The following PLEKHG5 variants were observed in gnomAD, a reference collection of about 807,000 sequenced individuals.
The protein encoded by PLEKHG5 is pleckstrin homology and RhoGEF domain containing G5, also known as pleckstrin homology domain-containing family G member 5.
A neutral mutation model predicts 103.8 loss-of-function variants in PLEKHG5; 52 were observed. That is an observed-to-expected ratio of 0.50 (90% CI 0.40 to 0.63). The LOEUF (loss-of-function observed/expected upper bound fraction) is 0.63. Ranked by LOEUF, PLEKHG5 falls within the 30% of genes least tolerant of loss-of-function variation. The pLI is 0.00. For missense variants in PLEKHG5, 1,205 were observed against 1,347.6 expected (o/e 0.89, Z 1.66); for synonymous variants, 592 against 575.5 (o/e 1.03, Z -0.41).
rs543950338 is a variant in PLEKHG5, at chr1:6,474,188, T to A, written c.440-24A>T. ...GGCTGCATGTGGGGGCCACGAGAGATCCTCAGTACCCTGGTCTGGTGGAGG... is the reference window on the plus strand; with the variant it reads ...GGCTGCATGTGGGGGCCACGAGAGAACCTCAGTACCCTGGTCTGGTGGAGG... On this transcript the variant is annotated intron_variant, in intron 6 of 20. Coordinates refer to ENST00000377728, the MANE Select transcript of PLEKHG5 (RefSeq NM_020631.6). 1.2e-5 allele frequency: 19 copies of A among 1,612,556 alleles called. No individual in the cohort carries two copies. The Admixed American group carries it at 2.3e-4, about 20-fold the overall frequency.
rs920416363 is a variant in PLEKHG5 at position 6,490,898 on chromosome 1, G to T, written c.-88+739C>A. On this transcript the variant is annotated intron_variant, in intron 1 of 20. Coordinates refer to ENST00000377728, the MANE Select transcript of PLEKHG5 (RefSeq NM_020631.6). This position sits in a 1 kb window ranked among gnomAD's most constrained non-coding sequence, Gnocchi z 8.0. ...TCGCCCATCCCGGAAGGGGGCTAGG[G>T]GGGACCAGGGCCCGCGACAGGAAGC... Among the ~76,000 whole-genome samples, 1 of 152,148 alleles carries T rather than the reference G, an allele frequency of 6.6e-6. No individual in the cohort carries two copies. The highest frequency in any genetic ancestry group is 2.4e-5 in the African/African-American group (1 of 41,430).
At position 6,467,162 on chromosome 1, in the gene PLEKHG5, A is replaced by G. The variant is rs948276190; in HGVS notation, c.*401T>C. The G allele has an allele frequency of 2.4e-5, 9 of 373,480 alleles. No individual in the cohort carries two copies. The highest frequency in any genetic ancestry group is 4.1e-5 in the Non-Finnish European group (8 of 197,450). The allele number at this position is 373,480 out of a possible 1,614,324, so 23.1% of individuals were successfully genotyped here. A position where few individuals can be genotyped will look rare whatever the true frequency, so the allele number is the denominator to read the frequency against. ...TCTTTATAAAAGAACCAAAAGCTCAATAAATACGTAACTTCACAGAACCCA... is the reference window on the plus strand; with the variant it reads ...TCTTTATAAAAGAACCAAAAGCTCAGTAAATACGTAACTTCACAGAACCCA... On this transcript the variant is annotated 3_prime_UTR_variant, in exon 21 of 21. Coordinates refer to ENST00000377728, the MANE Select transcript of PLEKHG5 (RefSeq NM_020631.6).
At position 6,490,201 on chromosome 1, in the gene PLEKHG5, T is replaced by C. The variant is rs1027206113; in HGVS notation, c.-88+1436A>G. Among the ~76,000 whole-genome samples, 23 of 152,032 alleles carry C rather than the reference T, an allele frequency of 1.5e-4. No homozygotes were observed. Among genetic ancestry groups the C allele is most frequent in the Admixed American group, 2.6e-4 (4 of 15,276 alleles). On this transcript the variant is annotated intron_variant, in intron 1 of 20. Coordinates refer to ENST00000377728, the MANE Select transcript of PLEKHG5 (RefSeq NM_020631.6). The surrounding 1 kb of genome is among the most constrained non-coding windows in gnomAD (Gnocchi z 8.0). ...CCCCCATACCGGGGCCAGGGTCCCA[T>C]AGACTCCTCACGGCCCTATCTCCGA...
upstream of PLEKHG5, chr1:6,520,030 CAG>C (rs997957158): frequency 1.9e-5 from 4 of 209,644 alleles, no homozygotes; most frequent in African/African-American, 9.3e-5. Flanking sequence ...CCCTGCCAGG[CAG>C]AGAGGGGCTG....
At chr1:6,510,760 G>A (rs7538401) in intron 1 of PLEKHG5, among the ~76,000 whole-genome samples, 2 of 152,100 alleles carry the variant, frequency 1.3e-5, no homozygotes, top group Non-Finnish European at 2.9e-5. Context: ...TGAACAGGGC[G>A]TGGTGCGGGC....
rs899754228 is a variant in PLEKHG5, at chr1:6,470,161, C to T, written c.1800+75G>A. 5.8e-6 allele frequency: 9 copies of T among 1,541,770 alleles called. No homozygotes were observed. The African/African-American group carries it at 1.1e-4, about 19-fold the overall frequency. ...AGTAACCACCGAAGGGACTGCAGAG[C>T]TGAGAACCAGTGACTGGGGCCCAGG... is the stretch of plus-strand genomic sequence containing the variant. On this transcript the variant is annotated intron_variant, in intron 16 of 20. Coordinates refer to ENST00000377728, the MANE Select transcript of PLEKHG5 (RefSeq NM_020631.6).
At chr1:6,485,238 C>T (rs1024006610) in intron 1 of PLEKHG5, 2 of 910,380 alleles carry the variant, frequency 2.2e-6, no homozygotes, top group East Asian at 6.7e-5. Context: ...ACGGGCACCC[C>T]CTCCCTGGCC....
Position 6,491,092 on chromosome 1 carries a change from T to A in PLEKHG5, c.-88+545A>T. ...ACAGCCCGCTTTTCTCTGGGCCCCC[T>A]CTTTTTTTTTTTTCTGGCCCAGGTG... On this transcript the variant is annotated intron_variant, in intron 1 of 20. Transcript: ENST00000377728. The surrounding 1 kb of genome is among the most constrained non-coding windows in gnomAD (Gnocchi z 4.1). Among the ~76,000 whole-genome samples, 1 of 149,724 alleles carries A rather than the reference T, an allele frequency of 6.7e-6. No homozygotes were observed. Among genetic ancestry groups the A allele is most frequent in the East Asian group, 1.9e-4 (1 of 5,136 alleles).
chr1:6,488,098 A>C (rs1645074195), intron 1 of PLEKHG5, among the ~76,000 whole-genome samples: 1 of 152,128 alleles, frequency 6.6e-6, no homozygotes, highest in Non-Finnish European at 1.5e-5. Flanking sequence ...TCCTACTTCA[A>C]ATCGGGTGGT....
intron 1 of PLEKHG5, among the ~76,000 whole-genome samples, chr1:6,489,771 C>G (rs1477953716): frequency 1.3e-5 from 2 of 152,216 alleles, no homozygotes; most frequent in Non-Finnish European, 2.9e-5. Context: ...CCACCTGTGC[C>G]AAGAGGGCAT....
chr1:6,487,841 C>T lies in PLEKHG5; in HGVS notation c.-88+3796G>A, dbSNP rs1420857191. ...CAGCGCCTTGGCCGTCTGCATCTCA[C>T]TGTGTCCTCGGCACTTAGAACAGTC... is the stretch of plus-strand genomic sequence containing the variant. On this transcript the variant is annotated intron_variant, in intron 1 of 20. Transcript: ENST00000377728. This position sits in a 1 kb window ranked among gnomAD's most constrained non-coding sequence, Gnocchi z 4.1. 1.3e-5 allele frequency among the ~76,000 whole-genome samples: 2 copies of T among 152,254 alleles called. No individual in the cohort carries two copies. The highest frequency in any genetic ancestry group is 2.9e-5 in the Non-Finnish European group (2 of 68,052).
chr1:6,480,269 C>T (rs1371530484), intron 1 of PLEKHG5, among the ~76,000 whole-genome samples: 1 of 152,032 alleles, frequency 6.6e-6, no homozygotes, highest in Non-Finnish European at 1.5e-5. Flanking sequence ...TGGCTCATGC[C>T]TGTAATCCTA....
exon 1 of PLEKHG5, chr1:6,519,676 G>A (rs1638720535): frequency 1.5e-6 from 1 of 677,402 alleles, no homozygotes; most frequent in Admixed American, 2.2e-5. Context: ...TTCTGCAGCT[G>A]GACCTGTCTG....
chr1:6,474,686 G>A, intron 5 of PLEKHG5, 99 bp from the exon 6 acceptor site: 2 of 959,898 alleles, frequency 2.1e-6, no homozygotes, highest in Non-Finnish European at 2.8e-6. Context: ...CACAGCCCCA[G>A]CTGCCCCCAC....
intron 1 of PLEKHG5, among the ~76,000 whole-genome samples, chr1:6,507,629 G>A (rs926728584): frequency 1.3e-5 from 2 of 152,220 alleles, no homozygotes; most frequent in African/African-American, 2.4e-5. Context: ...GGGGGGCGGG[G>A]GGATGGAGGG....
chr1:6,473,389 C>T lies in PLEKHG5; in HGVS notation c.657G>A (p.Glu219=), dbSNP rs545227621. Residue 219 remains glutamate, a synonymous_variant, in exon 8 of 21, where the codon GAG becomes GAA. Transcript: ENST00000377728. Reference sequence around the variant, plus strand: ...GAGAGCAGCTGGAGGGCGTGGGGGGCTCCTGCCCGGGGATGCTCGCCTCCC... The same window carrying T: ...GAGAGCAGCTGGAGGGCGTGGGGGGTTCCTGCCCGGGGATGCTCGCCTCCC... ...FLGEASIPGQ[E]PPTPSSCSLP... The T allele has an allele frequency of 5.2e-6, 8 of 1,546,632 alleles. No individual in the cohort carries two copies. In the South Asian group the frequency reaches 9.5e-5, roughly 18 times the overall value.
At chr1:6,492,893 C>T (rs973421728), upstream of PLEKHG5, among the ~76,000 whole-genome samples, 1 of 151,932 alleles carries the variant, frequency 6.6e-6, no homozygotes, top group African/African-American at 2.4e-5. Flanking sequence ...GTGCAGCCTG[C>T]CTCCCCCTCC....
chr1:6,507,139 C>G (rs1007971427), intron 1 of PLEKHG5, among the ~76,000 whole-genome samples: 3 of 152,182 alleles, frequency 2.0e-5, no homozygotes, highest in African/African-American at 4.8e-5. Flanking sequence ...AATAGCAACT[C>G]AAAGCCTATG....
chr1:6,492,822 T>C (rs1339529717), upstream of PLEKHG5, among the ~76,000 whole-genome samples: 10 of 151,956 alleles, frequency 6.6e-5, no homozygotes, highest in Admixed American at 6.6e-4. Flanking sequence ...GGGCCATTTC[T>C]CTCCTGGGGT....
Sources: allele counts gnomAD v4.1 joint callset (sites outside exome capture counted in the v4.1 genomes callset), GRCh38; gene constraint gnomAD v4.1.1; non-coding constraint Gnocchi (gnomAD v3.1); transcripts MANE v1.5; gene names NCBI Gene and HGNC (gene_info 2026-07-23, HGNC 2026-07-21).